The following PTPN22 variants were observed in gnomAD, a reference collection of about 807,000 sequenced individuals.
The protein encoded by PTPN22 is tyrosine-protein phosphatase non-receptor type 22.
In PTPN22, 85 loss-of-function variants were observed where a neutral mutation model predicts 103.3. The ratio of observed to expected loss-of-function variants is 0.82; its 90% CI spans 0.69 to 0.99. The LOEUF (loss-of-function observed/expected upper bound fraction) is 0.99, where lower values mean the gene tolerates loss of function less well. Ranked by LOEUF, PTPN22 falls within the 50% of genes least tolerant of loss-of-function variation. The pLI is 0.00. For missense variants in PTPN22, 865 were observed against 936.9 expected (o/e 0.92, Z 1.00); for synonymous variants, 323 against 310.2 (o/e 1.04, Z -0.43).
Position 113,857,788 on chromosome 1 carries a change from AATAG to A in PTPN22, c.370-16_370-13del. On this transcript the variant is annotated splice_polypyrimidine_tract_variant and intron_variant, in intron 4 of 20. Transcript: ENST00000359785. Reference sequence around the variant, plus strand: ...GCCATAACAATGATCTGGGGGATGAAATAGATAGAAACTTAAACATTCATATATA... The same window carrying A: ...GCCATAACAATGATCTGGGGGATGAAATAGAAACTTAAACATTCATATATA... The A allele has an allele frequency of 6.2e-7, 1 of 1,605,450 alleles. No individual in the cohort carries two copies. Among genetic ancestry groups the A allele is most frequent in the South Asian group, 1.1e-5 (1 of 90,056 alleles).
intron 17 of PTPN22, 116 bp from the exon 18 acceptor site, chr1:113,829,823 G>A (rs1410470373): frequency 4.2e-6 from 5 of 1,197,790 alleles, no homozygotes; most frequent in Non-Finnish European, 6.0e-6. Context: ...CTATATATTA[G>A]GGGCTTTTAA....
chr1:113,839,361 T>C (rs897198459), intron 11 of PTPN22, among the ~76,000 whole-genome samples: 3 of 150,346 alleles, frequency 2.0e-5, no homozygotes, highest in Admixed American at 2.0e-4. Flanking sequence ...ACACTACAGG[T>C]GTGTACCACA....
At chr1:113,856,659 A>G (rs986847788) in intron 5 of PTPN22, 40 bp from the exon 6 acceptor site, 5 of 1,613,450 alleles carry the variant, frequency 3.1e-6, no homozygotes, top group Admixed American at 1.7e-5. Flanking sequence ...CCCTCCATAT[A>G]TTCTAGTCTT....
intron 19 of PTPN22, among the ~76,000 whole-genome samples, chr1:113,824,288 G>T (rs1318686739): frequency 6.6e-6 from 1 of 151,912 alleles, no homozygotes; most frequent in Non-Finnish European, 1.5e-5. Flanking sequence ...TTTTAGTAGA[G>T]ACGGGGTTAC....
intron 2 of PTPN22, 58 bp downstream of exon 2, chr1:113,859,294 G>A: frequency 6.4e-7 from 1 of 1,561,676 alleles, no homozygotes; most frequent in Non-Finnish European, 8.8e-7. Context: ...GGTACAAAGA[G>A]ATAGTAATGA....
intron 11 of PTPN22, among the ~76,000 whole-genome samples, chr1:113,841,425 G>A (rs143566268): frequency 4.9e-4 from 75 of 152,102 alleles, no homozygotes; most frequent in African/African-American, 1.7e-3. Context: ...AAGAATAATA[G>A]GAAAATTGGA....
At chr1:113,852,137 A>T (rs773307767) in intron 9 of PTPN22, 33 bp from the exon 10 acceptor site, 1 of 1,483,416 alleles carries the variant, frequency 6.7e-7, no homozygotes, top group Non-Finnish European at 9.4e-7. Flanking sequence ...ATTCCTTTCA[A>T]TATTTTGTTA....
chr1:113,836,819 G>C, intron 13 of PTPN22, among the ~76,000 whole-genome samples: 1 of 151,808 alleles, frequency 6.6e-6, no homozygotes, highest in Admixed American at 6.6e-5. Context: ...CCAGCTACTT[G>C]GGAGGCTGAG....
At chr1:113,838,107 T>C in exon 13 of PTPN22, 1 of 1,614,080 alleles carries the variant, frequency 6.2e-7, no homozygotes, top group Non-Finnish European at 8.5e-7. Context: ...CTGCTGCATT[T>C]ACAGGTTTAG....
At chr1:113,818,295 G>T (rs1322942641) in intron 20 of PTPN22, among the ~76,000 whole-genome samples, 1 of 151,896 alleles carries the variant, frequency 6.6e-6, no homozygotes, top group Admixed American at 6.6e-5. Context: ...CTCCTGAGTA[G>T]CTGGGATTAG....
At position 113,819,566 on chromosome 1, in the gene PTPN22, A is replaced by G. The variant is rs201875159; in HGVS notation, c.2359+11T>C. Reference sequence around the variant, plus strand: ...AATTTTTTTAACTCTTCAGTAAAATAACACACATACCAAAATTCAGAAATG... The same window carrying G: ...AATTTTTTTAACTCTTCAGTAAAATGACACACATACCAAAATTCAGAAATG... On this transcript the variant is annotated intron_variant, in intron 20 of 20. Transcript: ENST00000359785. 1.7e-3 allele frequency: 2,705 copies of G among 1,582,110 alleles called. 6 individuals are homozygous for G. The highest frequency in any genetic ancestry group is 2.2e-3 in the Non-Finnish European group (2,485 of 1,154,458).
At chr1:113,857,914 C>T in intron 4 of PTPN22, 138 bp from the exon 5 acceptor site, 1 of 684,056 alleles carries the variant, frequency 1.5e-6, no homozygotes, top group Admixed American at 3.1e-5. Context: ...AAAATAAATC[C>T]TGGTGACTTA....
At chr1:113,861,900 G>A (rs1360169093) in intron 1 of PTPN22, among the ~76,000 whole-genome samples, 1 of 152,130 alleles carries the variant, frequency 6.6e-6, no homozygotes, top group African/African-American at 2.4e-5. Context: ...AAGGGTGAAG[G>A]TATTTCTTTG....
At chr1:113,854,864 A>T in intron 8 of PTPN22, 43 bp downstream of exon 8, 1 of 1,587,298 alleles carries the variant, frequency 6.3e-7, no homozygotes, top group South Asian at 1.1e-5. Context: ...AGACTCTGAC[A>T]TTTGGTTCAT....
rs536410367 is a variant in PTPN22, at chr1:113,855,697, C to T, written c.541-648G>A. Among the ~76,000 whole-genome samples the T allele has an allele frequency of 5.9e-5, 9 of 152,180 alleles. No individual in the cohort carries two copies. In the South Asian group the frequency reaches 1.7e-3, roughly 28 times the overall value. On this transcript the variant is annotated intron_variant, in intron 7 of 20. Transcript: ENST00000359785. ...CAGGTGACCAGATGCTTTCTGAAAACCATTAAAAGTGATTTCAGGTCACTT... is the reference window on the plus strand; with the variant it reads ...CAGGTGACCAGATGCTTTCTGAAAATCATTAAAAGTGATTTCAGGTCACTT...
intron 11 of PTPN22, among the ~76,000 whole-genome samples, chr1:113,843,759 A>C (rs1286351492): frequency 6.6e-6 from 1 of 152,240 alleles, no homozygotes. Context: ...AGACTGTATA[A>C]AATTGGTGTT....
At position 113,819,649 on chromosome 1, in the gene PTPN22, A is replaced by C. The variant is rs765534578; in HGVS notation, c.2287T>G (p.Cys763Gly). Residue 763 changes from cysteine (C) to glycine (G), a missense_variant, in exon 20 of 21, where the codon TGT (cysteine) becomes GGT (glycine). Around this residue, in one of 3 missense-constraint regions of PTPN22, gnomAD observed 401 missense variants for 388.6 expected, o/e 1.03. Coordinates refer to ENST00000359785, the Ensembl canonical transcript of PTPN22. The stretch of plus-strand genomic sequence containing the variant: ...GGCTTGTTTGGTGGGCAAGAATTAC[A>C]GATACCTAGAATCAAAAGAAAAAAA... 3 of 1,594,670 alleles carry C rather than the reference A, an allele frequency of 1.9e-6. No homozygotes were observed. In the Admixed American group the frequency reaches 5.1e-5, roughly 27 times the overall value.
exon 9 of PTPN22, chr1:113,854,519 A>G: frequency 6.2e-7 from 1 of 1,613,932 alleles, no homozygotes; most frequent in East Asian, 2.2e-5. Context: ...AAATAACACC[A>G]GTCCTTCCAC....
At chr1:113,825,098 C>T (rs774043820) in intron 19 of PTPN22, 44 bp downstream of exon 19, 37 of 1,345,554 alleles carry the variant, frequency 2.7e-5, no homozygotes, top group South Asian at 1.5e-4. Flanking sequence ...ATAAAAATTA[C>T]AAAATTGAGA....
Sources: allele counts gnomAD v4.1 joint callset (sites outside exome capture counted in the v4.1 genomes callset), GRCh38; gene constraint gnomAD v4.1.1; regional missense constraint gnomAD v4.1.1; transcripts MANE v1.5; gene names NCBI Gene and HGNC (gene_info 2026-07-23, HGNC 2026-07-21).